Variants in FOXP1 observed in about 807,000 individuals in gnomAD.
FOXP1 encodes forkhead box P1.
A neutral mutation model predicts 98.2 loss-of-function variants in FOXP1; 15 were observed. The ratio of observed to expected loss-of-function variants is 0.15; its 90% CI spans 0.10 to 0.24. The LOEUF (loss-of-function observed/expected upper bound fraction) is 0.24. FOXP1 is among the 10% of genes least tolerant of loss of function. The pLI is 1.00. For missense variants in FOXP1, 633 were observed against 848.5 expected (o/e 0.75, Z 3.15); for synonymous variants, 371 against 314.5 (o/e 1.18, Z -1.90).
chr3:71,241,081 G>T (rs964796641), intron 5 of FOXP1, among the ~76,000 whole-genome samples: 1 of 151,346 alleles, frequency 6.6e-6, no homozygotes, highest in Non-Finnish European at 1.5e-5. Context: ...ATGGTGGCGG[G>T]TGCCTGTAAT....
At chr3:71,309,677 G>T (rs1487692044) in intron 4 of FOXP1, among the ~76,000 whole-genome samples, 2 of 152,106 alleles carry the variant, frequency 1.3e-5, no homozygotes, top group Non-Finnish European at 1.5e-5. Flanking sequence ...ACACAATGCA[G>T]TTAGAATGCA....
At chr3:71,429,102 G>C (rs191133394) in intron 3 of FOXP1, among the ~76,000 whole-genome samples, 3 of 152,176 alleles carry the variant, frequency 2.0e-5, no homozygotes, top group Admixed American at 2.0e-4. Flanking sequence ...GGCTGGGGAC[G>C]AGAAGGTGGA....
At chr3:71,252,696 T>C (rs898142365) in intron 5 of FOXP1, among the ~76,000 whole-genome samples, 3 of 152,118 alleles carry the variant, frequency 2.0e-5, no homozygotes, top group East Asian at 1.9e-4. Flanking sequence ...GTGTTTGAGA[T>C]AAAGAAACAG....
At chr3:71,355,249 C>G (rs754706756) in intron 4 of FOXP1, among the ~76,000 whole-genome samples, 2 of 152,130 alleles carry the variant, frequency 1.3e-5, no homozygotes, top group African/African-American at 4.8e-5. Context: ...CAACAAATAC[C>G]GACTGCATGC....
rs189539249 is a variant in FOXP1 at position 71,220,029 on chromosome 3, A to G, written c.-11-21637T>C. ...TGATTCCTACTGAACCTCACAACTC[A>G]CCTCTAGCCATGAAAGTTTTTGCAG... On this transcript the variant is annotated intron_variant, in intron 5 of 20. Transcript: ENST00000649528. 1.4e-4 allele frequency among the ~76,000 whole-genome samples: 21 copies of G among 151,860 alleles called. No individual in the cohort carries two copies. In the East Asian group the frequency reaches 4.1e-3, roughly 29 times the overall value.
chr3:71,124,326 C>T (rs944492228), intron 6 of FOXP1, among the ~76,000 whole-genome samples: 5 of 148,060 alleles, frequency 3.4e-5, no homozygotes, highest in African/African-American at 1.0e-4. Flanking sequence ...CATATGCTTA[C>T]AATTTTTTTT....
intron 7 of FOXP1, among the ~76,000 whole-genome samples, chr3:71,065,353 A>G (rs1016816787): frequency 6.6e-6 from 1 of 152,086 alleles, no homozygotes; most frequent in Non-Finnish European, 1.5e-5. Context: ...GAGGCCGAAG[A>G]GGGGCACCCG....
chr3:71,541,987 G>C (rs1163727611), intron 2 of FOXP1: 2 of 533,962 alleles, frequency 3.7e-6, no homozygotes, highest in Non-Finnish European at 7.7e-6. Context: ...CAGTATGAAA[G>C]AAACCAGCAG....
intron 2 of FOXP1, among the ~76,000 whole-genome samples, chr3:71,509,054 G>A (rs1254121658): frequency 2.0e-5 from 3 of 152,146 alleles, no homozygotes; most frequent in South Asian, 2.1e-4. Flanking sequence ...TCCACTCTCC[G>A]TATGGATTTC....
At chr3:71,424,854 T>C (rs73837163) in intron 3 of FOXP1, among the ~76,000 whole-genome samples, 2,230 of 152,264 alleles carry the variant, frequency 0.015, 65 homozygotes, top group African/African-American at 0.051. Flanking sequence ...CCAAACACTT[T>C]CATGAAACAA....
At chr3:71,219,164 GC>G (rs1486096149) in intron 5 of FOXP1, among the ~76,000 whole-genome samples, 1 of 151,918 alleles carries the variant, frequency 6.6e-6, no homozygotes. Flanking sequence ...CCATACCCTT[GC>G]CTGGGAGCAT....
intron 6 of FOXP1, among the ~76,000 whole-genome samples, chr3:71,115,907 T>C (rs1316499379): frequency 1.3e-5 from 2 of 152,012 alleles, no homozygotes; most frequent in African/African-American, 4.8e-5. Context: ...TTGCTAGCTT[T>C]TGTATTTTTA....
At chr3:71,264,733 G>C (rs181355645) in intron 5 of FOXP1, among the ~76,000 whole-genome samples, 95 of 152,258 alleles carry the variant, frequency 6.2e-4, no homozygotes, top group African/African-American at 2.1e-3. Context: ...AGTTCAGCTG[G>C]AGGTAAAGAA....
At chr3:70,998,522 A>G (rs183334651) in intron 13 of FOXP1, among the ~76,000 whole-genome samples, 9 of 152,340 alleles carry the variant, frequency 5.9e-5, no homozygotes, top group Admixed American at 3.3e-4. Flanking sequence ...GGAACACGTC[A>G]GAATTAGCCT....
At chr3:71,414,463 C>T (rs1198310445) in intron 3 of FOXP1, among the ~76,000 whole-genome samples, 1 of 152,212 alleles carries the variant, frequency 6.6e-6, no homozygotes, top group Non-Finnish European at 1.5e-5. Context: ...ACCCACACAG[C>T]AGGGGATGCA....
intron 5 of FOXP1, chr3:71,288,567 T>C (rs1021074762): frequency 3.9e-5 from 6 of 152,252 alleles, no homozygotes; most frequent in Non-Finnish European, 8.8e-5. Context: ...TTCAGATGAT[T>C]ACAATCGACA....
At chr3:71,196,709 C>T (rs2063323027) in intron 6 of FOXP1, among the ~76,000 whole-genome samples, 1 of 152,140 alleles carries the variant, frequency 6.6e-6, no homozygotes, top group African/African-American at 2.4e-5. Context: ...TACACGGAGA[C>T]CCTTTTACTA....
intron 3 of FOXP1, among the ~76,000 whole-genome samples, chr3:71,475,136 C>A (rs2089713309): frequency 6.6e-6 from 1 of 152,064 alleles, no homozygotes; most frequent in Non-Finnish European, 1.5e-5. Context: ...TCCATCTCAC[C>A]TTCCCCCCTG....
At chr3:71,307,168 G>A (rs554987408) in intron 4 of FOXP1, among the ~76,000 whole-genome samples, 9 of 152,264 alleles carry the variant, frequency 5.9e-5, no homozygotes, top group Admixed American at 4.6e-4. Flanking sequence ...ATCCAGCAGG[G>A]CTGTGCTATA....
Sources: gnomAD v4.1 joint callset for allele counts (sites outside exome capture counted in the v4.1 genomes callset) on GRCh38, gnomAD v4.1.1 for gene constraint, MANE v1.5 for transcripts, NCBI Gene and HGNC (gene_info 2026-07-23, HGNC 2026-07-21) for gene names.